The following COL19A1 variants were observed in gnomAD, a reference collection of about 807,000 sequenced individuals.
COL19A1 encodes the protein collagen type XIX alpha 1 chain.
COL19A1 carries 159 observed loss-of-function variants against 190.2 expected under a neutral mutation model. The ratio of observed to expected loss-of-function variants is 0.84; its 90% CI spans 0.73 to 0.95. The LOEUF (loss-of-function observed/expected upper bound fraction) is 0.95. Among genes scored for constraint, COL19A1 ranks in the 40% least tolerant of loss-of-function variants. COL19A1 has a pLI of 0.00. For synonymous variants in COL19A1, 509 were observed against 458.9 expected (o/e 1.11, Z -1.39); for missense variants, 1,418 against 1,431.9 (o/e 0.99, Z 0.16).
chr6:70,054,561 G>A (rs756613227), intron 14 of COL19A1, among the ~76,000 whole-genome samples: 2 of 152,128 alleles, frequency 1.3e-5, no homozygotes, highest in African/African-American at 2.4e-5. Flanking sequence ...TATGTAATAA[G>A]TAAACTTTGA....
At chr6:70,076,333 G>T (rs1239842679) in intron 15 of COL19A1, among the ~76,000 whole-genome samples, 1 of 152,132 alleles carries the variant, frequency 6.6e-6, no homozygotes, top group Non-Finnish European at 1.5e-5. Context: ...CTGAAACCCA[G>T]ATTTGCATGT....
intron 34 of COL19A1, among the ~76,000 whole-genome samples, chr6:70,160,001 G>A (rs1787694283): frequency 6.6e-6 from 1 of 151,962 alleles, no homozygotes; most frequent in South Asian, 2.1e-4. Context: ...TGAAAATTGG[G>A]AAAATACAAA....
chr6:70,116,237 AT>A (rs1043362653), intron 16 of COL19A1, among the ~76,000 whole-genome samples: 27 of 152,314 alleles, frequency 1.8e-4, no homozygotes, highest in African/African-American at 5.8e-4. Flanking sequence ...TCTTTTATAA[AT>A]TTGGAAGAAG....
chr6:70,005,933 C>T (rs961971430), intron 11 of COL19A1, among the ~76,000 whole-genome samples: 1 of 152,176 alleles, frequency 6.6e-6, no homozygotes, highest in Non-Finnish European at 1.5e-5. Context: ...AAGAGGCTCT[C>T]TGGCTGCAGT....
chr6:70,051,457 G>GT (rs1297328417), intron 14 of COL19A1, among the ~76,000 whole-genome samples: 1 of 152,116 alleles, frequency 6.6e-6, no homozygotes, highest in Non-Finnish European at 1.5e-5. Flanking sequence ...TTGCCCCCAG[G>GT]TACCAGAAAC....
rs368927188 is a variant in COL19A1, at chr6:70,161,942, A to T, written c.2335A>T (p.Thr779Ser). Reference sequence around the variant, plus strand: ...AGGCATTCCAGGTGCTCCAGGCCCGACTGGACCCCCTGTAAGTATTTGTTA... The same window carrying T: ...AGGCATTCCAGGTGCTCCAGGCCCGTCTGGACCCCCTGTAAGTATTTGTTA... ...IPGIPGAPGP[T>S]GPPGLMGRTG... Residue 779 changes from threonine (T) to serine (S), a missense_variant, in exon 35 of 51, where the codon ACT becomes TCT. Coordinates refer to ENST00000620364, the MANE Select transcript of COL19A1 (RefSeq NM_001858.6). 9.3e-6 allele frequency: 15 copies of T among 1,604,584 alleles called. No homozygotes were observed. The African/African-American group carries it at 1.3e-4, about 14-fold the overall frequency.
At chr6:69,999,691 G>A (rs1212956543) in intron 11 of COL19A1, among the ~76,000 whole-genome samples, 2 of 152,030 alleles carry the variant, frequency 1.3e-5, no homozygotes, top group Non-Finnish European at 2.9e-5. Context: ...ATTCTACATC[G>A]TCATCAACAA....
At chr6:70,019,404 T>C (rs1357360750) in intron 11 of COL19A1, among the ~76,000 whole-genome samples, 2 of 152,184 alleles carry the variant, frequency 1.3e-5, no homozygotes, top group African/African-American at 4.8e-5. Flanking sequence ...ACCTGCATTA[T>C]GGATAATAGA....
intron 11 of COL19A1, among the ~76,000 whole-genome samples, chr6:69,966,166 C>G (rs1423383770): frequency 1.3e-5 from 2 of 152,162 alleles, no homozygotes; most frequent in Admixed American, 6.5e-5. Flanking sequence ...GCAGCCCCCG[C>G]CCGGCCAGCT....
At chr6:69,984,983 A>G (rs1323841832) in intron 11 of COL19A1, among the ~76,000 whole-genome samples, 1 of 152,202 alleles carries the variant, frequency 6.6e-6, no homozygotes, top group Non-Finnish European at 1.5e-5. Flanking sequence ...GCATTTAAGA[A>G]CTGGTAACAT....
chr6:70,086,445 A>T (rs1226646792), intron 15 of COL19A1, among the ~76,000 whole-genome samples: 1 of 152,208 alleles, frequency 6.6e-6, no homozygotes, highest in Non-Finnish European at 1.5e-5. Flanking sequence ...AGGACTACAG[A>T]TGGTCAAAAA....
rs2345566 is a variant in COL19A1, at chr6:69,875,222, G to A, written c.-32-4314G>A. Among the ~76,000 whole-genome samples, 349 of 152,276 alleles carry A rather than the reference G, an allele frequency of 2.3e-3. 1 individual carries two copies. The highest frequency in any genetic ancestry group is 7.2e-3 in the African/African-American group (300 of 41,550). The stretch of plus-strand genomic sequence containing the variant: ...AAATAACATACACAAAAACCTTGAG[G>A]TTGAAAACAGCCTGGCAATTTCATC... On this transcript the variant is annotated intron_variant, in intron 1 of 50. Transcript: ENST00000620364.
intron 17 of COL19A1, 101 bp downstream of exon 17, chr6:70,122,043 A>G (rs759368064): frequency 2.1e-4 from 144 of 669,876 alleles, no homozygotes; most frequent in Non-Finnish European, 3.2e-4. Flanking sequence ...AGACTTTTAT[A>G]CATGATCACA....
chr6:69,969,482 C>T (rs1021866421), intron 11 of COL19A1, among the ~76,000 whole-genome samples: 1 of 151,596 alleles, frequency 6.6e-6, no homozygotes, highest in East Asian at 1.9e-4. Flanking sequence ...GGTTGTGCAT[C>T]CAGGGACTAT....
intron 4 of COL19A1, among the ~76,000 whole-genome samples, chr6:69,918,516 G>A (rs1049039817): frequency 2.6e-5 from 4 of 152,214 alleles, no homozygotes; most frequent in Admixed American, 2.6e-4. Context: ...AGGAAACATG[G>A]CGAAATTCCA....
At position 70,207,443 on chromosome 6, in the gene COL19A1, C is replaced by A; in HGVS notation, c.*169C>A. ...TTGAATCCTATTCCTATAGCAATTGCAAATCAGCATTTTTTGATTTTTCCC... is the reference window on the plus strand; with the variant it reads ...TTGAATCCTATTCCTATAGCAATTGAAAATCAGCATTTTTTGATTTTTCCC... On this transcript the variant is annotated 3_prime_UTR_variant, in exon 51 of 51. Coordinates refer to ENST00000620364, the MANE Select transcript of COL19A1 (RefSeq NM_001858.6). 1 of 510,226 alleles carries A rather than the reference C, an allele frequency of 2.0e-6. No individual in the cohort carries two copies. Among genetic ancestry groups the A allele is most frequent in the Non-Finnish European group, 3.0e-6 (1 of 331,628 alleles). The allele number at this position is 510,226 out of a possible 1,614,324, so 31.6% of individuals were successfully genotyped here. A position where few individuals can be genotyped will look rare whatever the true frequency, so the allele number is the denominator to read the frequency against.
intron 14 of COL19A1, among the ~76,000 whole-genome samples, chr6:70,063,985 A>G (rs1267707549): frequency 6.6e-6 from 1 of 152,220 alleles, no homozygotes; most frequent in African/African-American, 2.4e-5. Context: ...GCAATAATTA[A>G]TAGCTTACCA....
intron 42 of COL19A1, among the ~76,000 whole-genome samples, chr6:70,179,943 C>T (rs1002780257): frequency 6.6e-6 from 1 of 152,104 alleles, no homozygotes; most frequent in Admixed American, 6.5e-5. Flanking sequence ...AGTGAAATGT[C>T]ATGATCTCAG....
At chr6:70,195,291 G>C (rs1027991110) in intron 48 of COL19A1, among the ~76,000 whole-genome samples, 1 of 151,984 alleles carries the variant, frequency 6.6e-6, no homozygotes. Flanking sequence ...ATCCTTGGCT[G>C]TCTGCATACA....
Sources: gnomAD v4.1 joint callset for allele counts (sites outside exome capture counted in the v4.1 genomes callset) on GRCh38, gnomAD v4.1.1 for gene constraint, MANE v1.5 for transcripts, NCBI Gene and HGNC (gene_info 2026-07-23, HGNC 2026-07-21) for gene names.